The following MYO1E variants were observed in gnomAD, a reference collection of about 807,000 sequenced individuals.
The protein encoded by MYO1E is unconventional myosin-Ie.
MYO1E carries 68 observed loss-of-function variants against 151.1 expected under a neutral mutation model. The ratio of observed to expected loss-of-function variants is 0.45; its 90% CI spans 0.37 to 0.55. The LOEUF (loss-of-function observed/expected upper bound fraction) is 0.55. Ranked by LOEUF, MYO1E falls within the 20% of genes least tolerant of loss-of-function variation. The pLI, the probability that MYO1E is intolerant of heterozygous loss-of-function variation, is 0.00. For synonymous variants in MYO1E, 601 were observed against 501.7 expected, an observed-to-expected ratio of 1.20 and a Z score of -2.64; for missense variants, 1,363 against 1,389.3, an observed-to-expected ratio of 0.98 and a Z score of 0.30.
intron 1 of MYO1E, among the ~76,000 whole-genome samples, chr15:59,369,564 A>AT (rs1415459333): frequency 2.6e-5 from 4 of 152,086 alleles, no homozygotes; most frequent in Admixed American, 6.6e-5. Context: ...GTCAACAGAG[A>AT]TTTTTTTGTA....
In MYO1E at chr15:59,257,265, G is replaced by A. The variant is rs74020327; in HGVS notation, c.238-887C>T. Among the ~76,000 whole-genome samples, 767 of 152,288 alleles carry A rather than the reference G, an allele frequency of 5.0e-3. 9 individuals carry two copies. The highest frequency in any genetic ancestry group is 0.017 in the African/African-American group (727 of 41,546). The stretch of plus-strand genomic sequence containing the variant: ...CTACTTGGTAGGCTGAGGCAGAAGA[G>A]TTGTTTAACCCTAGGACTTGGAGTC... On this transcript the variant is annotated intron_variant, in intron 3 of 27. Coordinates refer to ENST00000288235, the MANE Select transcript of MYO1E (RefSeq NM_004998.4).
In MYO1E at chr15:59,310,608, C is replaced by G. The variant is rs144384783; in HGVS notation, c.4-38159G>C. On this transcript the variant is annotated intron_variant, in intron 1 of 27. Transcript: ENST00000288235. Reference sequence around the variant, plus strand: ...CCCCAACCTTCGGAAGGAGCGTGGTCCTGATGCCCATGCTGATTTTGAATC... The same window carrying G: ...CCCCAACCTTCGGAAGGAGCGTGGTGCTGATGCCCATGCTGATTTTGAATC... Among the ~76,000 whole-genome samples, 1,143 of 152,204 alleles carry G rather than the reference C, an allele frequency of 7.5e-3. 10 individuals carry two copies. Among genetic ancestry groups the G allele is most frequent in the Middle Eastern group, 0.031 (9 of 294 alleles).
chr15:59,247,717 C>A (rs1368265295), intron 4 of MYO1E, among the ~76,000 whole-genome samples: 1 of 152,154 alleles, frequency 6.6e-6, no homozygotes, highest in Non-Finnish European at 1.5e-5. Flanking sequence ...TCCAAGGCCA[C>A]CACAAATCAG....
intron 22 of MYO1E, among the ~76,000 whole-genome samples, chr15:59,170,465 C>T (rs1480271863): frequency 6.6e-6 from 1 of 152,148 alleles, no homozygotes; most frequent in Admixed American, 6.5e-5. Context: ...CCACGGCAGC[C>T]TCAGGGCCCA....
chr15:59,144,920 C>T lies in MYO1E; in HGVS notation c.3081-6553G>A, dbSNP rs190285926. Among the ~76,000 whole-genome samples the T allele has an allele frequency of 9.7e-4, 148 of 152,226 alleles. No homozygotes were observed. The East Asian group carries it at 0.013, about 13-fold the overall frequency. On this transcript the variant is annotated intron_variant, in intron 26 of 27. Transcript: ENST00000288235. The stretch of plus-strand genomic sequence containing the variant: ...GTGCAATGGTACGATCTCGGCTCAC[C>T]GCAACCTCCACCTCCTGGGTTCAAG...
chr15:59,265,346 A>G (rs1292079929), intron 2 of MYO1E, among the ~76,000 whole-genome samples: 1 of 152,208 alleles, frequency 6.6e-6, no homozygotes, highest in Admixed American at 6.5e-5. Flanking sequence ...TGGTTACTCA[A>G]TAAATATGAA....
At chr15:59,292,978 T>C (rs1432746813) in intron 1 of MYO1E, among the ~76,000 whole-genome samples, 1 of 152,164 alleles carries the variant, frequency 6.6e-6, no homozygotes, top group Non-Finnish European at 1.5e-5. Flanking sequence ...GCTCATAAAC[T>C]GTTTAAGCTG....
Position 59,188,303 on chromosome 15 carries a change from C to T in MYO1E, c.1806-87G>A, listed in dbSNP as rs2079711536. 11 of 1,013,354 alleles carry T rather than the reference C, an allele frequency of 1.1e-5. No homozygotes were observed. The South Asian group carries it at 1.4e-4, about 13-fold the overall frequency. The allele number at this position is 1,013,354 out of a possible 1,614,324, so 62.8% of individuals were successfully genotyped here. A position where few individuals can be genotyped will look rare whatever the true frequency, so the allele number is the denominator to read the frequency against. ...CCAGCCAACCCCCAAGCCCCCAGTT[C>T]CAAGCTGTAGGGAAACATATTCAGA... On this transcript the variant is annotated intron_variant, in intron 17 of 27. Transcript: ENST00000288235.
intron 1 of MYO1E, chr15:59,348,792 C>G (rs183780836): frequency 1.3e-5 from 2 of 152,202 alleles, no homozygotes; most frequent in Admixed American, 1.3e-4. Flanking sequence ...CCACCATGCC[C>G]GGCCAATTTT....
intron 1 of MYO1E, among the ~76,000 whole-genome samples, chr15:59,357,591 T>C (rs1334992834): frequency 4.2e-5 from 1 of 23,578 alleles, no homozygotes; most frequent in Non-Finnish European, 1.9e-4. Context: ...CGCCTGGCTA[T>C]TTTTGTTGTT....
rs548526711 is a variant in MYO1E at position 59,271,904 on chromosome 15, T to C, written c.147+402A>G. Among the ~76,000 whole-genome samples, 13 of 152,348 alleles carry C rather than the reference T, an allele frequency of 8.5e-5. 1 individual carries two copies. Among genetic ancestry groups the C allele is most frequent in the African/African-American group, 2.9e-4 (12 of 41,586 alleles). On this transcript the variant is annotated intron_variant, in intron 2 of 27. Transcript: ENST00000288235. ...AGAGCATGTCAAAGGGACGATATTATAGATTAAAGTAGATGAATACTGGCT... is the reference window on the plus strand; with the variant it reads ...AGAGCATGTCAAAGGGACGATATTACAGATTAAAGTAGATGAATACTGGCT...
rs144080452 is a variant in MYO1E, at chr15:59,156,376, G to A, written c.2878+1911C>T. ...ATTTTTGTATTTTTAGTAGAGACAG[G>A]GTTTTGTCATGTTGGCTAGGCTGGT... On this transcript the variant is annotated intron_variant, in intron 25 of 27. Coordinates refer to ENST00000288235, the MANE Select transcript of MYO1E (RefSeq NM_004998.4). 3.4e-3 allele frequency among the ~76,000 whole-genome samples: 514 copies of A among 152,226 alleles called. 1 individual carries two copies. The highest frequency in any genetic ancestry group is 0.012 in the African/African-American group (485 of 41,532).
At chr15:59,224,899 A>G (rs2140350684) in intron 7 of MYO1E, 76 bp from the exon 8 acceptor site, 15 of 1,592,724 alleles carry the variant, frequency 9.4e-6, no homozygotes, top group Non-Finnish European at 1.2e-5. Flanking sequence ...TCCTGCAGCC[A>G]CCATCCCTAA....
intron 19 of MYO1E, among the ~76,000 whole-genome samples, chr15:59,176,064 G>GTTC (rs1375910586): frequency 6.6e-6 from 1 of 151,922 alleles, no homozygotes; most frequent in Non-Finnish European, 1.5e-5. Context: ...TGTTGTTGTT[G>GTTC]TTGTTGTTTT....
At chr15:59,306,731 T>C (rs1233888659) in intron 1 of MYO1E, among the ~76,000 whole-genome samples, 3 of 152,242 alleles carry the variant, frequency 2.0e-5, no homozygotes, top group East Asian at 1.9e-4. Context: ...TACAAAGTAC[T>C]TTCACACTCA....
chr15:59,163,420 T>C, intron 22 of MYO1E, 117 bp from the exon 23 acceptor site: 1 of 1,024,046 alleles, frequency 9.8e-7, no homozygotes, highest in Non-Finnish European at 1.4e-6. Flanking sequence ...TTACAGTCTT[T>C]CTTTCTATAA....
intron 6 of MYO1E, among the ~76,000 whole-genome samples, chr15:59,231,198 G>C (rs544149908): frequency 1.8e-4 from 28 of 152,348 alleles, no homozygotes; most frequent in African/African-American, 6.3e-4. Flanking sequence ...CACAAAGCCA[G>C]AGGGCTGCGG....
At chr15:59,359,313 A>T (rs1356962909) in intron 1 of MYO1E, among the ~76,000 whole-genome samples, 3 of 137,254 alleles carry the variant, frequency 2.2e-5, no homozygotes, top group African/African-American at 5.5e-5. Flanking sequence ...ATATATATAT[A>T]ATATATATAT....
At chr15:59,138,432 T>A (rs1596337767) in intron 26 of MYO1E, 65 bp from the exon 27 acceptor site, 1 of 1,582,960 alleles carries the variant, frequency 6.3e-7, no homozygotes, top group East Asian at 2.2e-5. Flanking sequence ...GAACGGTGGT[T>A]TGGAGCATGG....
Sources: allele counts gnomAD v4.1 joint callset (sites outside exome capture counted in the v4.1 genomes callset), GRCh38; gene constraint gnomAD v4.1.1; transcripts MANE v1.5; gene names NCBI Gene and HGNC (gene_info 2026-07-23, HGNC 2026-07-21).